Variants in RBFOX1 observed in about 807,000 individuals in gnomAD.
RBFOX1 encodes RNA binding fox-1 homolog 1.
Under a neutral mutation model 57.7 loss-of-function variants are expected in RBFOX1, and 8 were observed. The observed-to-expected ratio is 0.14, with a 90% CI of 0.08 to 0.25. RBFOX1 has a LOEUF of 0.25. Ranked by LOEUF, RBFOX1 falls within the 10% of genes least tolerant of loss-of-function variation. The probability of loss-of-function intolerance (pLI) is 1.00; values close to 1 mark genes in which losing one functional copy is unlikely to be tolerated. For synonymous variants in RBFOX1, 326 were observed against 222.4 expected (o/e 1.47, Z -4.15); for missense variants, 611 against 548.5 (o/e 1.11, Z -1.14).
intron 3 of RBFOX1, among the ~76,000 whole-genome samples, chr16:5,608,675 G>T (rs1487270792): frequency 6.6e-6 from 1 of 152,230 alleles, no homozygotes; most frequent in Non-Finnish European, 1.5e-5. Flanking sequence ...TGCTGGAGTT[G>T]TCTGTTACAA....
At chr16:6,096,106 T>C (rs1359022073) in intron 1 of RBFOX1, among the ~76,000 whole-genome samples, 1 of 152,230 alleles carries the variant, frequency 6.6e-6, no homozygotes, top group Non-Finnish European at 1.5e-5. Flanking sequence ...GAACATGGCT[T>C]GTTCATGGTA....
intron 1 of RBFOX1, among the ~76,000 whole-genome samples, chr16:6,266,415 G>T (rs1429574345): frequency 1.2e-4 from 19 of 152,056 alleles, no homozygotes; most frequent in Admixed American, 1.2e-3. Context: ...AAGAGTCTTA[G>T]AATCTATTTA....
intron 3 of RBFOX1, among the ~76,000 whole-genome samples, chr16:5,860,812 G>A (rs138340308): frequency 6.6e-6 from 1 of 152,130 alleles, no homozygotes; most frequent in African/African-American, 2.4e-5. Context: ...GGCTCCTCTT[G>A]TAGATACTGG....
intron 1 of RBFOX1, among the ~76,000 whole-genome samples, chr16:5,295,207 C>T (rs2063636491): frequency 6.6e-6 from 1 of 152,056 alleles, no homozygotes; most frequent in Non-Finnish European, 1.5e-5. Context: ...CACAGCATCA[C>T]AGCCTGGCAT....
intron 13 of RBFOX1, among the ~76,000 whole-genome samples, chr16:7,669,929 A>T (rs1568376934): frequency 6.6e-6 from 1 of 152,158 alleles, no homozygotes; most frequent in Non-Finnish European, 1.5e-5. Context: ...CTGTGTTTGC[A>T]ATGGGAGAGA....
chr16:5,691,275 T>G (rs1020723391), intron 3 of RBFOX1, among the ~76,000 whole-genome samples: 10 of 152,190 alleles, frequency 6.6e-5, no homozygotes, highest in African/African-American at 2.2e-4. Flanking sequence ...ATATTAGTCA[T>G]GAAGCAGAAA....
intron 4 of RBFOX1, among the ~76,000 whole-genome samples, chr16:7,466,461 G>A (rs899646245): frequency 2.0e-5 from 3 of 152,202 alleles, no homozygotes; most frequent in Admixed American, 6.5e-5. Context: ...TTAGTAGCTC[G>A]GTTTTAAAAA....
At chr16:6,278,528 C>A (rs536122939) in intron 1 of RBFOX1, among the ~76,000 whole-genome samples, 1 of 151,688 alleles carries the variant, frequency 6.6e-6, no homozygotes, top group Non-Finnish European at 1.5e-5. Context: ...TAAGTGGGCA[C>A]CCAAAGAAGA....
intron 1 of RBFOX1, among the ~76,000 whole-genome samples, chr16:5,445,013 G>C (rs11645900): frequency 0.025 from 3,735 of 152,180 alleles, 53 homozygotes; most frequent in Middle Eastern, 0.044. Context: ...TCCTCCTTCT[G>C]TTTTTCTTCT....
chr16:5,646,167 T>G (rs1156729377), intron 3 of RBFOX1, among the ~76,000 whole-genome samples: 6 of 149,754 alleles, frequency 4.0e-5, no homozygotes. Context: ...GTCGCTGGGA[T>G]TACAGGCACG....
intron 4 of RBFOX1, among the ~76,000 whole-genome samples, chr16:7,443,927 C>G (rs983143020): frequency 1.3e-5 from 2 of 152,162 alleles, no homozygotes; most frequent in Non-Finnish European, 1.5e-5. Flanking sequence ...TCCTTTGTTG[C>G]CTGAGGCATT....
At chr16:5,388,900 A>G (rs1567433264) in intron 1 of RBFOX1, among the ~76,000 whole-genome samples, 1 of 151,000 alleles carries the variant, frequency 6.6e-6, no homozygotes, top group East Asian at 2.0e-4. Context: ...TCTTAAAAAT[A>G]AAGGTAAGGG....
intron 3 of RBFOX1, among the ~76,000 whole-genome samples, chr16:5,858,343 A>G (rs1275548753): frequency 6.6e-6 from 1 of 152,170 alleles, no homozygotes; most frequent in Non-Finnish European, 1.5e-5. Context: ...CGTGTTTTCT[A>G]CCATGTGTCA....
chr16:5,951,563 G>A (rs1171795509), intron 4 of RBFOX1, among the ~76,000 whole-genome samples: 1 of 151,996 alleles, frequency 6.6e-6, no homozygotes, highest in Non-Finnish European at 1.5e-5. Flanking sequence ...GTGTATTTTT[G>A]TTGAGTTTGC....
At chr16:6,668,049 A>G (rs967286900) in intron 3 of RBFOX1, among the ~76,000 whole-genome samples, 22 of 152,308 alleles carry the variant, frequency 1.4e-4, no homozygotes, top group Admixed American at 5.2e-4. Context: ...AGCAAAGTAA[A>G]TTACAAAGCT....
chr16:6,406,668 CG>C (rs1294617431), intron 2 of RBFOX1, among the ~76,000 whole-genome samples: 1 of 151,508 alleles, frequency 6.6e-6, no homozygotes, highest in Admixed American at 6.6e-5. Flanking sequence ...TTCCTATGCT[CG>C]GTCAATTTTT....
chr16:7,667,105 G>T lies in RBFOX1; in HGVS notation c.930+2137G>T, dbSNP rs371071551. On this transcript the variant is annotated intron_variant, in intron 13 of 15. Transcript: ENST00000550418. ...CATATGCAATCAGGTGGCAGAAAAAGTTCCTGCAATATGAATTTAGAGATT... is the reference window on the plus strand; with the variant it reads ...CATATGCAATCAGGTGGCAGAAAAATTTCCTGCAATATGAATTTAGAGATT... 2.0e-5 allele frequency among the ~76,000 whole-genome samples: 3 copies of T among 152,332 alleles called. No individual in the cohort carries two copies. The East Asian group carries it at 5.8e-4, about 29-fold the overall frequency.
chr16:6,225,110 G>C (rs1208347017), intron 1 of RBFOX1, among the ~76,000 whole-genome samples: 1 of 151,820 alleles, frequency 6.6e-6, no homozygotes, highest in African/African-American at 2.4e-5. Context: ...TCTGGGAAGT[G>C]ATGGACTACA....
intron 4 of RBFOX1, among the ~76,000 whole-genome samples, chr16:7,213,192 G>A (rs1219548165): frequency 6.6e-6 from 1 of 152,168 alleles, no homozygotes; most frequent in Admixed American, 6.5e-5. Context: ...GAGAAATGCA[G>A]ATTACACGGA....
Sources: gnomAD v4.1 joint callset for allele counts (sites outside exome capture counted in the v4.1 genomes callset) on GRCh38, gnomAD v4.1.1 for gene constraint, MANE v1.5 for transcripts, NCBI Gene and HGNC (gene_info 2026-07-23, HGNC 2026-07-21) for gene names.